KANK1: variants seen among roughly 807,000 people sequenced by gnomAD.
KANK1 encodes KN motif and ankyrin repeat domains 1.
Under a neutral mutation model 106.2 loss-of-function variants are expected in KANK1, and 109 were observed. The observed-to-expected ratio is 1.03, with a 90% CI of 0.88 to 1.20. The LOEUF is 1.20. KANK1 is among the 50% of genes most tolerant of loss of function. KANK1 has a pLI of 0.00. For synonymous variants in KANK1, 873 were observed against 652.2 expected (o/e 1.34, Z -5.16); for missense variants, 2,399 against 1,710.7 (o/e 1.40, Z -7.10).
chr9:514,194 T>TCCTCCCTCCCTCTCTCCCTC (rs2059172056), intron 1 of KANK1, among the ~76,000 whole-genome samples: 1 of 30,372 alleles, frequency 3.3e-5, no homozygotes, highest in Non-Finnish European at 5.2e-5. Context: ...CTCCCTCCCT[T>TCCTCCCTCCCTCTCTCCCTC]CCTCCCTCCC....
chr9:532,653 C>A (rs1482760650), intron 1 of KANK1, among the ~76,000 whole-genome samples: 1 of 152,050 alleles, frequency 6.6e-6, no homozygotes, highest in East Asian at 1.9e-4. Flanking sequence ...AAGTCTTCAC[C>A]AAGCTACTTG....
chr9:615,528 G>T (rs1831599929), intron 1 of KANK1, among the ~76,000 whole-genome samples: 1 of 152,090 alleles, frequency 6.6e-6, no homozygotes, highest in South Asian at 2.1e-4. Context: ...TTATCAAATA[G>T]ACTAAAAAGG....
chr9:552,507 T>G (rs1385910219), intron 1 of KANK1, among the ~76,000 whole-genome samples: 2 of 152,174 alleles, frequency 1.3e-5, no homozygotes, highest in African/African-American at 4.8e-5. Context: ...TCACATGGCT[T>G]TTTGACCTTT....
intron 1 of KANK1, among the ~76,000 whole-genome samples, chr9:546,160 G>T (rs1015579112): frequency 1.3e-5 from 2 of 152,148 alleles, no homozygotes; most frequent in Admixed American, 1.3e-4. Context: ...CACCTTAGCT[G>T]GGTGCACTTG....
intron 2 of KANK1, among the ~76,000 whole-genome samples, chr9:692,832 T>C (rs976085536): frequency 1.3e-5 from 2 of 151,862 alleles, no homozygotes; most frequent in African/African-American, 2.4e-5. Flanking sequence ...CTGGGCAACA[T>C]AGTAAGACCC....
chr9:681,878 A>G (rs1435520083), intron 2 of KANK1, among the ~76,000 whole-genome samples: 2 of 152,120 alleles, frequency 1.3e-5, no homozygotes, highest in Non-Finnish European at 2.9e-5. Context: ...GCCTTCCCCA[A>G]TTGATTATAG....
intron 2 of KANK1, among the ~76,000 whole-genome samples, chr9:682,187 G>A (rs941271178): frequency 6.6e-6 from 1 of 151,948 alleles, no homozygotes; most frequent in African/African-American, 2.4e-5. Context: ...GGCTGAGGCA[G>A]GAGAATTGCT....
At chr9:666,191 AC>A (rs1328522766) in intron 1 of KANK1, among the ~76,000 whole-genome samples, 1 of 152,060 alleles carries the variant, frequency 6.6e-6, no homozygotes, top group Non-Finnish European at 1.5e-5. Flanking sequence ...AAAAAAAAAA[AC>A]AAAATATTCC....
intron 1 of KANK1, among the ~76,000 whole-genome samples, chr9:574,681 C>T (rs570345038): frequency 2.0e-5 from 3 of 151,738 alleles, no homozygotes; most frequent in African/African-American, 4.8e-5. Context: ...ACAATGAAAC[C>T]CCATCTCTAC....
intron 2 of KANK1, among the ~76,000 whole-genome samples, chr9:694,511 G>A (rs1475203): frequency 0.21 from 31,941 of 152,010 alleles, 3,610 homozygotes; most frequent in Middle Eastern, 0.24. Context: ...TTGCACTTAG[G>A]AGCCCATGGC....
intron 1 of KANK1, among the ~76,000 whole-genome samples, chr9:637,891 G>C (rs1214314607): frequency 1.3e-5 from 2 of 152,088 alleles, no homozygotes; most frequent in African/African-American, 2.4e-5. Flanking sequence ...GCAGCTTTTG[G>C]GGTTGGTTGA....
At chr9:654,614 G>A (rs907715107) in intron 1 of KANK1, among the ~76,000 whole-genome samples, 1 of 151,556 alleles carries the variant, frequency 6.6e-6, no homozygotes, top group Non-Finnish European at 1.5e-5. Context: ...TTGACCCTAT[G>A]AGCCCATGAG....
intron 1 of KANK1, chr9:548,960 A>G (rs2134025554): frequency 6.6e-6 from 1 of 152,284 alleles, no homozygotes; most frequent in East Asian, 1.9e-4. Context: ...ATGCAAATAT[A>G]TAAATGACAG....
At chr9:663,149 T>G (rs954667944) in intron 1 of KANK1, among the ~76,000 whole-genome samples, 2 of 152,104 alleles carry the variant, frequency 1.3e-5, no homozygotes, top group African/African-American at 4.8e-5. Context: ...AAGGAAAAAT[T>G]TTTGCTAAGC....
intron 1 of KANK1, among the ~76,000 whole-genome samples, chr9:517,163 GC>G (rs2059319990): frequency 6.6e-6 from 1 of 151,766 alleles, no homozygotes; most frequent in Non-Finnish European, 1.5e-5. Context: ...AGGCTGGAGT[GC>G]AGTGGCGTGA....
chr9:714,361 A>ATT (rs33935286), intron 3 of KANK1, among the ~76,000 whole-genome samples: 71,061 of 128,620 alleles, frequency 0.55, 20,851 homozygotes, highest in Middle Eastern at 0.63. Context: ...TTTCCCACTC[A>ATT]TTTTTTTTTT....
chr9:668,305 TGAA>T (rs1463511855), intron 1 of KANK1, among the ~76,000 whole-genome samples: 6 of 152,152 alleles, frequency 3.9e-5, no homozygotes, highest in African/African-American at 1.4e-4. Flanking sequence ...TGTTCATTGG[TGAA>T]AATGGGGTAT....
intron 4 of KANK1, 34 bp from the exon 5 acceptor site, chr9:731,124 A>T: frequency 8.4e-7 from 1 of 1,192,282 alleles, no homozygotes; most frequent in Non-Finnish European, 1.2e-6. Flanking sequence ...TATGGGTGTG[A>T]GTTTTCATTT....
At chr9:658,208 A>G (rs1369080662) in intron 1 of KANK1, among the ~76,000 whole-genome samples, 1 of 152,150 alleles carries the variant, frequency 6.6e-6, no homozygotes, top group Non-Finnish European at 1.5e-5. Context: ...CTCTTTAAAG[A>G]TAGTAAGAAG....
Sources: gnomAD v4.1 joint callset for allele counts (sites outside exome capture counted in the v4.1 genomes callset) on GRCh38, gnomAD v4.1.1 for gene constraint, MANE v1.5 for transcripts, NCBI Gene and HGNC (gene_info 2026-07-23, HGNC 2026-07-21) for gene names.